The following ADAM12 variants were observed in gnomAD, a reference collection of about 807,000 sequenced individuals.
ADAM12 encodes the protein disintegrin and metalloproteinase domain-containing protein 12.
Under a neutral mutation model 106.4 loss-of-function variants are expected in ADAM12, and 70 were observed. That is an observed-to-expected ratio of 0.66 (90% CI 0.54 to 0.80). The LOEUF is 0.80. ADAM12 is among the 30% of genes least tolerant of loss of function. The pLI is 0.00. For synonymous variants in ADAM12, 420 were observed against 433.5 expected (o/e 0.97, Z 0.39); for missense variants, 1,010 against 1,171.9 (o/e 0.86, Z 2.02).
At chr10:126,204,452 G>A (rs1957759692) in intron 3 of ADAM12, among the ~76,000 whole-genome samples, 1 of 152,266 alleles carries the variant, frequency 6.6e-6, no homozygotes, top group Middle Eastern at 3.4e-3. Context: ...GACTGTGTCT[G>A]TGAGACAATA....
At chr10:126,350,149 T>A (rs768047859) in intron 1 of ADAM12, among the ~76,000 whole-genome samples, 2 of 152,144 alleles carry the variant, frequency 1.3e-5, no homozygotes, top group African/African-American at 2.4e-5. Flanking sequence ...TGGAAAAAAT[T>A]GAAACAACTA....
intron 11 of ADAM12, among the ~76,000 whole-genome samples, chr10:126,086,991 C>A (rs913197990): frequency 4.6e-5 from 7 of 151,008 alleles, no homozygotes; most frequent in Non-Finnish European, 1.0e-4. Flanking sequence ...CAAGATCGTG[C>A]CACTGTATTC....
chr10:126,044,221 A>C (rs1257385419), intron 17 of ADAM12, among the ~76,000 whole-genome samples: 1 of 152,040 alleles, frequency 6.6e-6, no homozygotes, highest in Non-Finnish European at 1.5e-5. Context: ...AGATCACTTG[A>C]GGCCAGGAGT....
At position 126,216,802 on chromosome 10, in the gene ADAM12, A is replaced by C. The variant is rs1957995783; in HGVS notation, c.261-61497T>G. 2.0e-5 allele frequency among the ~76,000 whole-genome samples: 3 copies of C among 152,242 alleles called. No homozygotes were observed. In the South Asian group the frequency reaches 6.2e-4, roughly 32 times the overall value. On this transcript the variant is annotated intron_variant, in intron 3 of 22. Coordinates refer to ENST00000448723, the MANE Select transcript of ADAM12 (RefSeq NM_001288973.2). ...ACCAGGGTGACCCCGGCAGAAGGCC[A>C]GAGGACATTGCCTTGGGGCCAAACA...
At chr10:126,348,930 G>T (rs12354990) in intron 1 of ADAM12, among the ~76,000 whole-genome samples, 23,003 of 152,132 alleles carry the variant, frequency 0.15, 2,075 homozygotes, top group Middle Eastern at 0.28. Context: ...GATTCAACTG[G>T]GAGTCCTGTT....
At chr10:126,029,926 C>T (rs1953945059) in intron 21 of ADAM12, among the ~76,000 whole-genome samples, 1 of 152,172 alleles carries the variant, frequency 6.6e-6, no homozygotes. Flanking sequence ...CCTTTAAAGG[C>T]AGCTTCACTC....
intron 22 of ADAM12, among the ~76,000 whole-genome samples, chr10:126,018,323 G>A (rs1433467653): frequency 1.3e-5 from 2 of 152,210 alleles, no homozygotes; most frequent in African/African-American, 4.8e-5. Flanking sequence ...CTGTGTGCTG[G>A]TAAATGTTGA....
intron 4 of ADAM12, among the ~76,000 whole-genome samples, chr10:126,140,892 TG>T (rs1253523039): frequency 6.6e-6 from 1 of 151,646 alleles, no homozygotes; most frequent in Non-Finnish European, 1.5e-5. Context: ...CCCCTGGGGG[TG>T]GGGGGTGACC....
intron 3 of ADAM12, among the ~76,000 whole-genome samples, chr10:126,243,479 G>A (rs1255661687): frequency 8.3e-6 from 1 of 120,694 alleles, no homozygotes; most frequent in East Asian, 2.4e-4. Context: ...AACTCTGTGT[G>A]TGTGAGTGTA....
intron 3 of ADAM12, among the ~76,000 whole-genome samples, chr10:126,260,411 C>T (rs916568856): frequency 2.6e-5 from 4 of 152,196 alleles, no homozygotes; most frequent in Non-Finnish European, 5.9e-5. Flanking sequence ...TATATGGGAA[C>T]CCAGAAACCT....
intron 3 of ADAM12, among the ~76,000 whole-genome samples, chr10:126,186,381 T>C (rs868180181): frequency 5.9e-4 from 90 of 152,346 alleles, no homozygotes; most frequent in African/African-American, 2.0e-3. Context: ...AATTTCTGTC[T>C]GGGTCTGCCT....
chr10:126,082,622 C>T (rs1008659977), intron 11 of ADAM12, among the ~76,000 whole-genome samples: 2 of 152,066 alleles, frequency 1.3e-5, no homozygotes, highest in African/African-American at 4.8e-5. Context: ...CCACCCACCT[C>T]GGCCTCCCAA....
chr10:126,027,728 A>G (rs1269228872), intron 21 of ADAM12, among the ~76,000 whole-genome samples: 2 of 152,182 alleles, frequency 1.3e-5, no homozygotes, highest in East Asian at 1.9e-4. Context: ...AATAATAGCC[A>G]TCTATGACAA....
intron 3 of ADAM12, among the ~76,000 whole-genome samples, chr10:126,255,105 C>A (rs948813011): frequency 6.6e-6 from 1 of 152,194 alleles, no homozygotes; most frequent in Non-Finnish European, 1.5e-5. Context: ...GTGAGCCCAT[C>A]TGCTGACTTG....
At chr10:126,298,219 A>G (rs949835122) in intron 2 of ADAM12, among the ~76,000 whole-genome samples, 1 of 152,216 alleles carries the variant, frequency 6.6e-6, no homozygotes, top group African/African-American at 2.4e-5. Context: ...AGACTGAAAT[A>G]CAAGAAAAAA....
At chr10:126,122,856 T>C (rs1278305) in intron 5 of ADAM12, among the ~76,000 whole-genome samples, 86,466 of 152,082 alleles carry the variant, frequency 0.57, 24,644 homozygotes, top group Non-Finnish European at 0.59. Flanking sequence ...TCATTTTGTA[T>C]TGCAACATTT....
chr10:126,043,647 G>A lies in ADAM12; in HGVS notation c.1996-499C>T, dbSNP rs755460927. ...CGGGTCCCACGCCAGGCTGGGGTCCGAGGCAGGCCCCCCGTTTCCTGAGCA... is the reference window on the plus strand; with the variant it reads ...CGGGTCCCACGCCAGGCTGGGGTCCAAGGCAGGCCCCCCGTTTCCTGAGCA... On this transcript the variant is annotated intron_variant, in intron 17 of 22. Transcript: ENST00000448723. The surrounding 1 kb of genome is among the most constrained non-coding windows in gnomAD (Gnocchi z 4.1). Among the ~76,000 whole-genome samples the A allele has an allele frequency of 5.3e-5, 8 of 152,152 alleles. No homozygotes were observed. Among genetic ancestry groups the A allele is most frequent in the Non-Finnish European group, 7.3e-5 (5 of 68,030 alleles).
intron 4 of ADAM12, among the ~76,000 whole-genome samples, chr10:126,143,352 T>TGTATATATACATGTGTATGG (rs1403108121): frequency 6.6e-6 from 1 of 150,404 alleles, no homozygotes; most frequent in East Asian, 2.0e-4. Context: ...TGTGCATGTG[T>TGTATATATACATGTGTATGG]GTATATATAC....
chr10:126,310,899 C>T lies in ADAM12; in HGVS notation c.186+19513G>A, dbSNP rs554256893. On this transcript the variant is annotated intron_variant, in intron 2 of 22. Transcript: ENST00000448723. ...AGAGGGATGATACATTTTTGTTAAG[C>T]ATTTATTGTGCAAGGGGATATGGTG... 1.2e-4 allele frequency among the ~76,000 whole-genome samples: 19 copies of T among 152,098 alleles called. 2 individuals carry two copies. The highest frequency in any genetic ancestry group is 1.2e-3 in the Admixed American group (18 of 15,276).
Sources: gnomAD v4.1 joint callset for allele counts (sites outside exome capture counted in the v4.1 genomes callset) on GRCh38, gnomAD v4.1.1 for gene constraint, Gnocchi (gnomAD v3.1) non-coding constraint, MANE v1.5 for transcripts, NCBI Gene and HGNC (gene_info 2026-07-23, HGNC 2026-07-21) for gene names.